ADCYAP1R1: variants seen among roughly 807,000 people sequenced by gnomAD.
ADCYAP1R1 encodes pituitary adenylate cyclase-activating polypeptide type I receptor.
In ADCYAP1R1, 44 loss-of-function variants were observed where a neutral mutation model predicts 67.6. That is an observed-to-expected ratio of 0.65 (90% CI 0.51 to 0.84). The LOEUF (loss-of-function observed/expected upper bound fraction) is 0.84. Ranked by LOEUF, ADCYAP1R1 falls within the 40% of genes least tolerant of loss-of-function variation. ADCYAP1R1 has a pLI of 0.00. For missense variants in ADCYAP1R1, 477 were observed against 587.9 expected, an observed-to-expected ratio of 0.81 and a Z score of 1.95; for synonymous variants, 222 against 219.6, an observed-to-expected ratio of 1.01 and a Z score of -0.10.
chr7:31,089,640 G>A (rs538042244), intron 12 of ADCYAP1R1, among the ~76,000 whole-genome samples: 1 of 152,242 alleles, frequency 6.6e-6, no homozygotes, highest in South Asian at 2.1e-4. Context: ...TTTCTGGGAC[G>A]AAGGGTATGT....
At chr7:31,068,453 T>A (rs1015241059) in intron 3 of ADCYAP1R1, among the ~76,000 whole-genome samples, 91 of 151,804 alleles carry the variant, frequency 6.0e-4, no homozygotes, top group African/African-American at 2.2e-3. Flanking sequence ...AGAAGAGGAG[T>A]GAGGAGACGC....
At chr7:31,105,974 C>T (rs1796626211) in intron 15 of ADCYAP1R1, among the ~76,000 whole-genome samples, 1 of 152,148 alleles carries the variant, frequency 6.6e-6, no homozygotes, top group African/African-American at 2.4e-5. Flanking sequence ...CAGAGGGGTG[C>T]ATTATTTAAT....
chr7:31,076,237 G>A (rs1056771453), intron 3 of ADCYAP1R1, among the ~76,000 whole-genome samples: 4 of 152,162 alleles, frequency 2.6e-5, no homozygotes, highest in Non-Finnish European at 2.9e-5. Context: ...GCCGCTGGGC[G>A]GGACCCAGTA....
At chr7:31,070,308 G>A (rs11983282) in intron 3 of ADCYAP1R1, among the ~76,000 whole-genome samples, 4,526 of 152,304 alleles carry the variant, frequency 0.03, 220 homozygotes, top group African/African-American at 0.1. Context: ...TCTAAGCAGG[G>A]TTGGTCGGTG....
intron 1 of ADCYAP1R1, among the ~76,000 whole-genome samples, chr7:31,062,637 C>T (rs1166295611): frequency 1.3e-5 from 2 of 152,190 alleles, no homozygotes; most frequent in African/African-American, 4.8e-5. Context: ...CACTCAGATA[C>T]GGTTCACGTC....
At chr7:31,087,936 A>T (rs1186814508) in intron 12 of ADCYAP1R1, among the ~76,000 whole-genome samples, 2 of 152,246 alleles carry the variant, frequency 1.3e-5, no homozygotes, top group Non-Finnish European at 2.9e-5. Flanking sequence ...AATTTTGAGC[A>T]TGTGGAAATA....
intron 1 of ADCYAP1R1, among the ~76,000 whole-genome samples, chr7:31,055,215 C>T (rs1794188894): frequency 6.6e-6 from 1 of 152,152 alleles, no homozygotes; most frequent in Non-Finnish European, 1.5e-5. Context: ...GACGTTGAGA[C>T]ACACCCTCTC....
chr7:31,093,861 G>T lies in ADCYAP1R1; in HGVS notation c.1046+1126G>T, dbSNP rs549743386. On this transcript the variant is annotated intron_variant, in intron 13 of 15. Transcript: ENST00000304166. ...GGACAGTGAGAGATCCCAGTACAGG[G>T]TTCCCCCAGGGTCCCCTTCCTCAGC... Among the ~76,000 whole-genome samples the T allele has an allele frequency of 3.9e-5, 6 of 152,156 alleles. No homozygotes were observed. The East Asian group carries it at 9.7e-4, about 25-fold the overall frequency.
At chr7:31,087,119 C>G in intron 11 of ADCYAP1R1, 116 bp downstream of exon 11, 1 of 1,233,198 alleles carries the variant, frequency 8.1e-7, no homozygotes, top group Non-Finnish European at 1.2e-6. Context: ...CAATGCCAGG[C>G]CCAGACTAAA....
At position 31,058,825 on chromosome 7, in the gene ADCYAP1R1, C is replaced by A. The variant is rs193091799; in HGVS notation, c.-71-4369C>A. Among the ~76,000 whole-genome samples the A allele has an allele frequency of 3.5e-3, 540 of 152,204 alleles. 12 individuals carry two copies. The highest frequency in any genetic ancestry group is 0.032 in the Admixed American group (486 of 15,290). On this transcript the variant is annotated intron_variant, in intron 1 of 15. Transcript: ENST00000304166. ...AGTGGAAGCATAGGGATGGAGTGCA[C>A]CAACTTTGGAGCCAGACTGCTTGGG...
intron 13 of ADCYAP1R1, among the ~76,000 whole-genome samples, chr7:31,097,874 A>G (rs1298469533): frequency 6.6e-6 from 1 of 152,136 alleles, no homozygotes; most frequent in African/African-American, 2.4e-5. Context: ...TTGAGGGGTC[A>G]CTGGCCGTAG....
At chr7:31,084,023 C>T in intron 6 of ADCYAP1R1, 118 bp from the exon 7 acceptor site, 1 of 774,426 alleles carries the variant, frequency 1.3e-6, no homozygotes, top group Non-Finnish European at 2.2e-6. Flanking sequence ...TTTCCCCATG[C>T]TTCCCAGTTG....
intron 1 of ADCYAP1R1, among the ~76,000 whole-genome samples, chr7:31,062,638 G>A (rs559666585): frequency 2.2e-4 from 34 of 152,278 alleles, no homozygotes; most frequent in African/African-American, 7.7e-4. Flanking sequence ...ACTCAGATAC[G>A]GTTCACGTCC....
At chr7:31,104,710 A>C (rs1306418562) in intron 14 of ADCYAP1R1, among the ~76,000 whole-genome samples, 158 bp from the exon 15 acceptor site, 2 of 152,210 alleles carry the variant, frequency 1.3e-5, no homozygotes, top group Non-Finnish European at 2.9e-5. Context: ...CCATCTTGGT[A>C]GAGTAGAACT....
At chr7:31,105,563 C>T (rs1796606844) in intron 15 of ADCYAP1R1, among the ~76,000 whole-genome samples, 1 of 152,196 alleles carries the variant, frequency 6.6e-6, no homozygotes, top group Non-Finnish European at 1.5e-5. Flanking sequence ...GACTGAATGG[C>T]TAGGGTGGAT....
chr7:31,083,419 C>T (rs979619875), intron 6 of ADCYAP1R1, among the ~76,000 whole-genome samples: 10 of 152,234 alleles, frequency 6.6e-5, no homozygotes, highest in Admixed American at 6.5e-5. Context: ...CCCACCCCCT[C>T]GAGTGTCCCA....
intron 3 of ADCYAP1R1, among the ~76,000 whole-genome samples, chr7:31,076,815 G>T (rs185353035): frequency 1.3e-5 from 2 of 152,146 alleles, no homozygotes; most frequent in African/African-American, 2.4e-5. Context: ...CGGATGGGGG[G>T]CCCTGCTGAG....
intron 3 of ADCYAP1R1, among the ~76,000 whole-genome samples, chr7:31,068,807 C>T (rs1390572371): frequency 1.3e-5 from 2 of 152,160 alleles, no homozygotes; most frequent in African/African-American, 4.8e-5. Flanking sequence ...CCTCAAGGGC[C>T]TCAAGTTCAG....
At chr7:31,099,174 C>T (rs1468683540) in intron 13 of ADCYAP1R1, among the ~76,000 whole-genome samples, 2 of 152,198 alleles carry the variant, frequency 1.3e-5, no homozygotes, top group African/African-American at 4.8e-5. Flanking sequence ...AGTGAGACTG[C>T]AGCCTGGGCC....
Sources: allele counts gnomAD v4.1 joint callset (sites outside exome capture counted in the v4.1 genomes callset), GRCh38; gene constraint gnomAD v4.1.1; transcripts MANE v1.5; gene names NCBI Gene and HGNC (gene_info 2026-07-23, HGNC 2026-07-21).